Variants in MAGED1 observed in about 807,000 individuals in gnomAD.
The protein encoded by MAGED1 is MAGE family member D1.
Under a neutral mutation model 54.1 loss-of-function variants are expected in MAGED1, and 3 were observed. That is an observed-to-expected ratio of 0.06 (90% CI 0.03 to 0.14). MAGED1 has a LOEUF of 0.14. Among genes scored for constraint, MAGED1 ranks in the 10% least tolerant of loss-of-function variants. The pLI is 1.00. For missense variants in MAGED1, 485 were observed against 623.4 expected, an observed-to-expected ratio of 0.78 and a Z score of 2.36; for synonymous variants, 217 against 227.3, an observed-to-expected ratio of 0.95 and a Z score of 0.41.
At chrX:51,874,124 C>T (rs1386178716) in intron 1 of MAGED1, among the ~76,000 whole-genome samples, 2 of 111,415 alleles carry the variant, frequency 1.8e-5, no homozygotes, top group Non-Finnish European at 3.8e-5. Flanking sequence ...GTGCTAGATA[C>T]AGATGGGATA....
chrX:51,866,632 CTG>C (rs1217037781), intron 1 of MAGED1, among the ~76,000 whole-genome samples: 7 of 112,309 alleles, frequency 6.2e-5, no homozygotes, highest in African/African-American at 2.3e-4. Flanking sequence ...GCTAAAATGA[CTG>C]TTAGATGTAA....
upstream of MAGED1, among the ~76,000 whole-genome samples, chrX:51,891,554 A>G (rs1465525036): frequency 8.9e-6 from 1 of 112,838 alleles, no homozygotes; most frequent in Non-Finnish European, 1.9e-5. Context: ...TCATTTAACA[A>G]ATATTTATTG....
At chrX:51,884,673 G>A (rs1358356229) in intron 1 of MAGED1, among the ~76,000 whole-genome samples, 7 of 111,741 alleles carry the variant, frequency 6.3e-5, no homozygotes, top group African/African-American at 1.9e-4. Context: ...CAAAGTACAC[G>A]AAAGAAACTT....
intron 1 of MAGED1, among the ~76,000 whole-genome samples, chrX:51,805,093 A>G (rs1557354935): frequency 8.9e-6 from 1 of 111,862 alleles, no homozygotes; most frequent in African/African-American, 3.2e-5. Context: ...TTAGGAAGAC[A>G]TATCACTATC....
intron 1 of MAGED1, among the ~76,000 whole-genome samples, chrX:51,803,724 C>CTT (rs10576124): frequency 1.2e-5 from 1 of 81,388 alleles, no homozygotes; most frequent in African/African-American, 4.6e-5. Flanking sequence ...AAATGATGTT[C>CTT]TTTTTTTTTT....
chrX:51,832,452 A>T (rs1189452237), intron 1 of MAGED1, among the ~76,000 whole-genome samples: 1 of 109,469 alleles, frequency 9.1e-6, no homozygotes, highest in African/African-American at 3.3e-5. Flanking sequence ...AACCACTCCC[A>T]CTTTATCTCT....
chrX:51,848,649 G>A (rs1356435968), intron 1 of MAGED1, among the ~76,000 whole-genome samples: 1 of 111,667 alleles, frequency 9.0e-6, no homozygotes, highest in Non-Finnish European at 1.9e-5. Context: ...TGATCATAAT[G>A]GTACTGTATG....
chrX:51,845,135 G>GGCAGGAGAATCGCTTGAAC (rs1176474692), intron 1 of MAGED1, among the ~76,000 whole-genome samples: 3 of 111,309 alleles, frequency 2.7e-5, no homozygotes, highest in Non-Finnish European at 5.7e-5. Context: ...AGGAGGCTGA[G>GGCAGGAGAATCGCTTGAAC]GCAGGAGAAT....
intron 1 of MAGED1, among the ~76,000 whole-genome samples, chrX:51,869,164 TAGTG>T (rs1309232813): frequency 9.0e-6 from 1 of 111,207 alleles, no homozygotes; most frequent in Non-Finnish European, 1.9e-5. Context: ...GTGTGTATGA[TAGTG>T]GGTGTGGCTA....
intron 1 of MAGED1, among the ~76,000 whole-genome samples, chrX:51,851,181 A>G (rs1036545813): frequency 9.0e-6 from 1 of 111,665 alleles, no homozygotes; most frequent in African/African-American, 3.3e-5. Flanking sequence ...CAGAGTTTCC[A>G]TTTTCTCACT....
At chrX:51,850,129 C>T (rs1557359654) in intron 1 of MAGED1, among the ~76,000 whole-genome samples, 1 of 110,595 alleles carries the variant, frequency 9.0e-6, no homozygotes, top group African/African-American at 3.3e-5. Context: ...CCATGTTGGC[C>T]AGGCTGGTCT....
chrX:51,896,925 C>G lies in MAGED1; in HGVS notation c.1270C>G (p.Leu424Val). The change falls in exon 4 of 13, where the codon CTA becomes GTA. Residue 424 changes from leucine to valine, a missense_variant. Leu to Val is a conservative substitution (Grantham distance 32). This residue lies in a region of MAGED1 where 186 missense variants were observed against 330.3 expected (regional missense o/e 0.56). Transcript: ENST00000326587. The part of the protein sequence containing the change: ...PDWPLPTDWP[L>V]PPDWIPADWP... ...TTGGCCACTTCCCACTGACTGGCCA[C>G]TACCACCTGACTGGATCCCCGCTGA... 8.3e-7 allele frequency: 1 copy of G among 1,209,574 alleles called. No homozygotes were observed. The highest frequency in any genetic ancestry group is 1.7e-5 in the African/African-American group (1 of 57,805).
At chrX:51,875,717 A>G (rs1312607952) in intron 1 of MAGED1, among the ~76,000 whole-genome samples, 2 of 111,485 alleles carry the variant, frequency 1.8e-5, no homozygotes, top group African/African-American at 3.3e-5. Context: ...ATCAAATGAG[A>G]AAAGCCTGAG....
intron 1 of MAGED1, among the ~76,000 whole-genome samples, chrX:51,804,578 A>G (rs1186842276): frequency 5.4e-5 from 6 of 111,900 alleles, no homozygotes. Context: ...CACTGGAGAT[A>G]CAACAGTGGA....
chrX:51,828,896 TA>T lies in MAGED1; in HGVS notation c.-37+25789del, dbSNP rs201912142. ...AAAATACTTAAGAGCTATTCCACAT[TA>T]AAAAAAAAACTCTTCTAAATATCAT... On this transcript the variant is annotated intron_variant, in intron 1 of 12. Coordinates refer to the MAGED1 transcript ENST00000375772. Among the ~76,000 whole-genome samples, 398 of 107,116 alleles carry T rather than the reference TA, an allele frequency of 3.7e-3. 1 individual carries two copies. The highest frequency in any genetic ancestry group is 6.8e-3 in the Non-Finnish European group (348 of 51,371). 93.0% of individuals were successfully genotyped at this position (107,116 alleles called of 115,157 possible).
chrX:51,828,790 A>T (rs955379908), intron 1 of MAGED1, among the ~76,000 whole-genome samples: 14 of 111,596 alleles, frequency 1.3e-4, no homozygotes, highest in South Asian at 1.1e-3. Flanking sequence ...CAGTAAAAAG[A>T]AAACAGGTGA....
chrX:51,881,273 C>T (rs781833379), intron 1 of MAGED1, among the ~76,000 whole-genome samples: 2 of 111,358 alleles, frequency 1.8e-5, no homozygotes, highest in South Asian at 7.7e-4. Context: ...TACAGTCACA[C>T]TGAGGATTTA....
chrX:51,818,455 C>A (rs150934079), intron 1 of MAGED1, among the ~76,000 whole-genome samples: 14,559 of 111,129 alleles, frequency 0.13, 811 homozygotes, highest in Non-Finnish European at 0.18. Context: ...TTGCTAAATA[C>A]CATGGTGTTG....
chrX:51,812,184 A>G (rs191106853), intron 1 of MAGED1, among the ~76,000 whole-genome samples: 1 of 109,792 alleles, frequency 9.1e-6, no homozygotes, highest in Non-Finnish European at 1.9e-5. Flanking sequence ...ATAAAAATAA[A>G]TAAATAAATA....
Sources: gnomAD v4.1 joint callset for allele counts (sites outside exome capture counted in the v4.1 genomes callset) on GRCh38, gnomAD v4.1.1 for gene constraint, gnomAD v4.1.1 regional missense constraint, MANE v1.5 for transcripts, NCBI Gene and HGNC (gene_info 2026-07-23, HGNC 2026-07-21) for gene names.